TTC13: variants seen among roughly 807,000 people sequenced by gnomAD.
TTC13 encodes tetratricopeptide repeat protein 13.
Under a neutral mutation model 120.0 loss-of-function variants are expected in TTC13, and 62 were observed. That is an observed-to-expected ratio of 0.52 (90% CI 0.42 to 0.64). The LOEUF (loss-of-function observed/expected upper bound fraction) is 0.64, where lower values mean the gene tolerates loss of function less well. Ranked by LOEUF, TTC13 falls within the 30% of genes least tolerant of loss-of-function variation. The pLI, the probability that TTC13 is intolerant of heterozygous loss-of-function variation, is 0.00. For missense variants in TTC13, 824 were observed against 1,050.2 expected, an observed-to-expected ratio of 0.78 and a Z score of 2.98; for synonymous variants, 384 against 393.5, an observed-to-expected ratio of 0.98 and a Z score of 0.28.
At chr1:230,920,120 A>G (rs1672441131) in intron 17 of TTC13, among the ~76,000 whole-genome samples, 1 of 152,208 alleles carries the variant, frequency 6.6e-6, no homozygotes, top group African/African-American at 2.4e-5. Flanking sequence ...GCAGTGGTCT[A>G]ATAAATACCA....
intron 4 of TTC13, among the ~76,000 whole-genome samples, chr1:230,952,867 A>T (rs1282474331): frequency 6.6e-6 from 1 of 152,222 alleles, no homozygotes; most frequent in Non-Finnish European, 1.5e-5. Flanking sequence ...AGAATTCGGA[A>T]ATTTTTTATT....
intron 1 of TTC13, among the ~76,000 whole-genome samples, chr1:230,971,893 A>C (rs1228619364): frequency 1.3e-5 from 2 of 152,238 alleles, no homozygotes; most frequent in African/African-American, 4.8e-5. Context: ...CAGATGCTCA[A>C]AGTGACACAT....
chr1:230,908,773 T>A lies in TTC13; in HGVS notation c.2407A>T (p.Met803Leu), dbSNP rs187118034. The A allele has an allele frequency of 2.5e-6, 4 of 1,613,482 alleles. No homozygotes were observed. Among genetic ancestry groups the A allele is most frequent in the Non-Finnish European group, 3.4e-6 (4 of 1,179,550 alleles). Reference protein sequence around the residue: ...PKGKLVDFEAMTAPGSEAFSK... With the variant: ...PKGKLVDFEALTAPGSEAFSK... ...AAGGCCTCTGAACCAGGGGCTGTCA[T>A]AGCTTCAAAGTCGACTAACTGAAAA... The change falls in exon 22 of 23, where the codon ATG becomes TTG. Residue 803 changes from methionine to leucine, a missense_variant. This residue lies in a region of TTC13 where 226 missense variants were observed against 259.1 expected (regional missense o/e 0.87). Transcript: ENST00000366661.
At chr1:230,955,725 G>A (rs1248018334) in intron 3 of TTC13, among the ~76,000 whole-genome samples, 1 of 151,100 alleles carries the variant, frequency 6.6e-6, no homozygotes, top group African/African-American at 2.4e-5. Context: ...CGAAATGCAG[G>A]AAGAGTTTAA....
chr1:230,960,937 A>T (rs1676575198), intron 2 of TTC13, among the ~76,000 whole-genome samples: 1 of 152,264 alleles, frequency 6.6e-6, no homozygotes, highest in African/African-American at 2.4e-5. Flanking sequence ...CTATACCTAC[A>T]AATACACAAG....
At position 230,914,223 on chromosome 1, in the gene TTC13, T is replaced by C. The variant is rs148700162; in HGVS notation, c.2094-1465A>G. On this transcript the variant is annotated intron_variant, in intron 18 of 22. Transcript: ENST00000366661. ...TTGAACAACATGGGTTCGAACTGCA[T>C]GGATCCACTTATACGAGGATTTTCT... is the stretch of plus-strand genomic sequence containing the variant. Among the ~76,000 whole-genome samples the C allele has an allele frequency of 6.0e-3, 908 of 152,196 alleles. 11 individuals carry two copies. Among genetic ancestry groups the C allele is most frequent in the African/African-American group, 0.02 (850 of 41,518 alleles).
intron 9 of TTC13, among the ~76,000 whole-genome samples, chr1:230,932,850 T>G (rs1399498577): frequency 1.3e-5 from 2 of 152,182 alleles, no homozygotes; most frequent in Non-Finnish European, 2.9e-5. Context: ...GTAGCACCTT[T>G]ACAAGTGAGA....
intron 10 of TTC13, 89 bp downstream of exon 10, chr1:230,931,647 C>G (rs1467703880): frequency 7.3e-6 from 11 of 1,516,098 alleles, no homozygotes; most frequent in Non-Finnish European, 9.9e-6. Flanking sequence ...ACACTATTCT[C>G]AGTCCCCCTT....
At chr1:230,973,832 C>G (rs1677998813) in intron 1 of TTC13, among the ~76,000 whole-genome samples, 1 of 152,110 alleles carries the variant, frequency 6.6e-6, no homozygotes, top group African/African-American at 2.4e-5. Flanking sequence ...AATTCCAGCA[C>G]TTTGGGACGC....
intron 20 of TTC13, among the ~76,000 whole-genome samples, chr1:230,910,005 T>C (rs931715671): frequency 6.6e-6 from 1 of 152,154 alleles, no homozygotes; most frequent in Non-Finnish European, 1.5e-5. Flanking sequence ...GGACCCACTA[T>C]TGTAACCACA....
intron 17 of TTC13, among the ~76,000 whole-genome samples, chr1:230,916,745 T>C (rs1325517347): frequency 6.6e-6 from 1 of 152,140 alleles, no homozygotes; most frequent in Non-Finnish European, 1.5e-5. Context: ...GTACCCAGGA[T>C]TATATCCACT....
rs200828365 is a variant in TTC13 at position 230,933,864 on chromosome 1, A to G, written c.901-3T>C. On this transcript the variant is annotated splice_polypyrimidine_tract_variant and splice_region_variant and intron_variant, in intron 8 of 22. Coordinates refer to ENST00000366661, the MANE Select transcript of TTC13 (RefSeq NM_024525.5). ...TCTTTGAAGGATTCAATAGCTTCCTATAAAAAGTGTAGAGAAAATTATTTC... is the reference window on the plus strand; with the variant it reads ...TCTTTGAAGGATTCAATAGCTTCCTGTAAAAAGTGTAGAGAAAATTATTTC... 4.4e-6 allele frequency: 7 copies of G among 1,574,270 alleles called. No individual in the cohort carries two copies. The highest frequency in any genetic ancestry group is 6.0e-6 in the Non-Finnish European group (7 of 1,158,506).
At chr1:230,969,779 A>G (rs1677535896) in intron 1 of TTC13, among the ~76,000 whole-genome samples, 1 of 152,208 alleles carries the variant, frequency 6.6e-6, no homozygotes, top group African/African-American at 2.4e-5. Flanking sequence ...AACCACCCCC[A>G]GATACCTTCA....
intron 1 of TTC13, among the ~76,000 whole-genome samples, chr1:230,970,285 T>C (rs549022271): frequency 2.8e-4 from 43 of 152,164 alleles, no homozygotes; most frequent in Non-Finnish European, 5.4e-4. Context: ...AAGCTAACCA[T>C]AGAAGGTCCA....
In TTC13 at chr1:230,908,716, T is replaced by G. The variant is rs757772505; in HGVS notation, c.2464A>C (p.Lys822Gln). The change falls in exon 22 of 23, where the codon AAA (lysine) becomes CAA (glutamine). Residue 822 changes from lysine to glutamine, a missense_variant. Transcript: ENST00000366661. ...SKVAKSWMNL[K>Q]SISPSYKTLP... ...GGACCCCCCTCAAGTAGTTACCTTT[T>G]CAAGTTCATCCAGCTTTTGGCGACT... 2.0e-5 allele frequency: 33 copies of G among 1,613,344 alleles called. No homozygotes were observed. Among genetic ancestry groups the G allele is most frequent in the Non-Finnish European group, 2.7e-5 (32 of 1,179,316 alleles).
At chr1:230,935,435 G>T (rs1352542100) in intron 8 of TTC13, among the ~76,000 whole-genome samples, 2 of 152,214 alleles carry the variant, frequency 1.3e-5, no homozygotes, top group Admixed American at 6.5e-5. Context: ...AAGAGAACAG[G>T]CTTCAGGGAG....
At position 230,923,858 on chromosome 1, in the gene TTC13, G is replaced by A. The variant is rs377133348; in HGVS notation, c.1797C>T (p.Asn599=). The change falls in exon 15 of 23, where the codon AAC becomes AAT. Residue 599 remains asparagine, a synonymous_variant. Transcript: ENST00000366661. The part of the protein sequence containing the change: ...PARSLSRGFN[N]HINLIRGQVI... The stretch of plus-strand genomic sequence containing the variant: ...GTTCGTACCTGATTAAATTAATGTG[G>A]TTGTTAAAACCTCTGCTAAGACTTC... 57 of 1,613,654 alleles carry A rather than the reference G, an allele frequency of 3.5e-5. No individual in the cohort carries two copies. In the South Asian group the frequency reaches 4.8e-4, roughly 14 times the overall value.
At chr1:230,950,164 G>T (rs16853447) in intron 4 of TTC13, among the ~76,000 whole-genome samples, 5,358 of 151,444 alleles carry the variant, frequency 0.035, 316 homozygotes, top group African/African-American at 0.12. Context: ...TAAATTATTG[G>T]GTTTTTCCAA....
intron 14 of TTC13, among the ~76,000 whole-genome samples, 155 bp downstream of exon 14, chr1:230,924,686 C>T (rs1672899005): frequency 6.6e-6 from 1 of 152,168 alleles, no homozygotes; most frequent in Admixed American, 6.5e-5. Flanking sequence ...AATAAAGATG[C>T]CAGCAATTTC....
Sources: gnomAD v4.1 joint callset for allele counts (sites outside exome capture counted in the v4.1 genomes callset) on GRCh38, gnomAD v4.1.1 for gene constraint, gnomAD v4.1.1 regional missense constraint, MANE v1.5 for transcripts, NCBI Gene and HGNC (gene_info 2026-07-23, HGNC 2026-07-21) for gene names.